TRUB1: variants seen among roughly 807,000 people sequenced by gnomAD.
TRUB1 encodes TruB pseudouridine synthase family member 1, also known as pseudouridylate synthase TRUB1.
TRUB1 carries 23 observed loss-of-function variants against 33.9 expected under a neutral mutation model. The ratio of observed to expected loss-of-function variants is 0.68; its 90% CI spans 0.49 to 0.96. The LOEUF (loss-of-function observed/expected upper bound fraction) is 0.96. TRUB1 is among the 40% of genes least tolerant of loss of function. TRUB1 has a pLI of 0.00. For missense variants in TRUB1, 378 were observed against 422.2 expected (o/e 0.90, Z 0.92); for synonymous variants, 163 against 165.4 (o/e 0.99, Z 0.11).
intron 3 of TRUB1, among the ~76,000 whole-genome samples, chr10:114,955,890 G>T (rs780817544): frequency 1.3e-5 from 2 of 152,140 alleles, no homozygotes; most frequent in African/African-American, 2.4e-5. Context: ...CCTTCTTAAT[G>T]AAGACATTCA....
intron 1 of TRUB1, among the ~76,000 whole-genome samples, chr10:114,938,895 C>A (rs747458878): frequency 1.3e-5 from 2 of 151,844 alleles, no homozygotes; most frequent in African/African-American, 4.8e-5. Flanking sequence ...GGTTCTGCAC[C>A]CCTAAAGTTG....
chr10:114,972,170 C>CTTTGATGAAA lies in TRUB1; in HGVS notation c.632_633insTTTGATGAAA (p.Thr212LeufsTer10), dbSNP rs1220180506. 1 of 1,613,510 alleles carries CTTTGATGAAA rather than the reference C, an allele frequency of 6.2e-7. No individual in the cohort carries two copies. Among genetic ancestry groups the CTTTGATGAAA allele is most frequent in the African/African-American group, 1.3e-5 (1 of 74,972 alleles). The stretch of plus-strand genomic sequence containing the variant: ...TTAAAGAAAGATGGACAAAGACTTT[C>CTTTGATGAAA]GACTTTGATGAAGAGAGGTGAAGTC... On this transcript the variant is annotated frameshift_variant, in exon 6 of 8. Coordinates refer to ENST00000298746, the MANE Select transcript of TRUB1 (RefSeq NM_139169.5). LOFTEE classifies it high-confidence loss of function.
chr10:114,970,709 A>G (rs2084332858), intron 5 of TRUB1, among the ~76,000 whole-genome samples: 1 of 152,194 alleles, frequency 6.6e-6, no homozygotes, highest in Admixed American at 6.5e-5. Context: ...GATTCTATCA[A>G]CAGACATAAG....
chr10:114,977,652 A>C lies in TRUB1; in HGVS notation c.*2273A>C, dbSNP rs2143045665. On this transcript the variant is annotated 3_prime_UTR_variant, in exon 8 of 8. Coordinates refer to ENST00000298746, the MANE Select transcript of TRUB1 (RefSeq NM_139169.5). ...TCTGTATACTTTGTTCATTTATATA[A>C]ATAAATGTCTTAATGGTTTCTATAC... 6.6e-6 allele frequency: 1 copy of C among 152,122 alleles called. No homozygotes were observed. The highest frequency in any genetic ancestry group is 1.9e-4 in the East Asian group (1 of 5,180). 9.4% of individuals were successfully genotyped at this position (152,122 alleles called of 1,614,324 possible). A position where few individuals can be genotyped will look rare whatever the true frequency, so the allele number is the denominator to read the frequency against.
At chr10:114,971,129 G>A (rs1214357166) in intron 5 of TRUB1, among the ~76,000 whole-genome samples, 1 of 152,066 alleles carries the variant, frequency 6.6e-6, no homozygotes, top group Non-Finnish European at 1.5e-5. Flanking sequence ...CTAGTAGAAG[G>A]GGCAAGGCAG....
At chr10:114,943,810 A>G (rs1432004559) in intron 2 of TRUB1, among the ~76,000 whole-genome samples, 1 of 152,112 alleles carries the variant, frequency 6.6e-6, no homozygotes, top group Non-Finnish European at 1.5e-5. Flanking sequence ...GATTCCTGAC[A>G]AGGTAGAAGG....
rs1249151764 is a variant in TRUB1, at chr10:114,972,124, C to T, written c.597-11C>T. On this transcript the variant is annotated splice_polypyrimidine_tract_variant and intron_variant, in intron 5 of 7. Transcript: ENST00000298746. ...CCTTTCCTTCCATTTCTCCTTCTCT[C>T]ATCTCACAAGCTATTCTGCATTAAA... 6.2e-7 allele frequency: 1 copy of T among 1,611,746 alleles called. No individual in the cohort carries two copies. The highest frequency in any genetic ancestry group is 8.5e-7 in the Non-Finnish European group (1 of 1,179,304).
At chr10:114,942,812 C>T in intron 2 of TRUB1, 69 bp downstream of exon 2, 4 of 1,018,514 alleles carry the variant, frequency 3.9e-6, no homozygotes, top group Non-Finnish European at 6.2e-6. Context: ...TGGTTGAGAA[C>T]AGATAGATTG....
chr10:114,967,298 C>T (rs1219884159), intron 4 of TRUB1, among the ~76,000 whole-genome samples: 2 of 152,202 alleles, frequency 1.3e-5, no homozygotes, highest in Non-Finnish European at 2.9e-5. Context: ...TCAGGGTTTA[C>T]AGTGCTTGCT....
intron 2 of TRUB1, among the ~76,000 whole-genome samples, chr10:114,949,928 T>C (rs949903862): frequency 6.6e-6 from 1 of 151,380 alleles, no homozygotes; most frequent in African/African-American, 2.4e-5. Flanking sequence ...GACAGAGTTT[T>C]GCTCTTGTCA....
intron 1 of TRUB1, among the ~76,000 whole-genome samples, chr10:114,939,580 G>A (rs2084176479): frequency 6.6e-6 from 1 of 152,152 alleles, no homozygotes; most frequent in African/African-American, 2.4e-5. Context: ...AATTATAACT[G>A]ACAGTACAGA....
intron 7 of TRUB1, 55 bp downstream of exon 7, chr10:114,974,440 A>C: frequency 6.8e-7 from 1 of 1,469,020 alleles, no homozygotes. Flanking sequence ...CTCCTTTTCA[A>C]TTGGAAGAGG....
intron 7 of TRUB1, among the ~76,000 whole-genome samples, 195 bp from the exon 8 acceptor site, chr10:114,974,928 A>G (rs2084353284): frequency 6.6e-6 from 1 of 152,120 alleles, no homozygotes; most frequent in Non-Finnish European, 1.5e-5. Context: ...AGCAGCTTAT[A>G]AGGTGGATTA....
At chr10:114,952,445 A>G (rs765297048) in intron 3 of TRUB1, among the ~76,000 whole-genome samples, 29 of 152,228 alleles carry the variant, frequency 1.9e-4, no homozygotes, top group Non-Finnish European at 2.8e-4. Context: ...CTCCATCTCA[A>G]TAAATAATAA....
At chr10:114,962,955 T>C (rs2084290532) in intron 4 of TRUB1, among the ~76,000 whole-genome samples, 1 of 152,204 alleles carries the variant, frequency 6.6e-6, no homozygotes, top group Admixed American at 6.5e-5. Flanking sequence ...TGTCTTCTCA[T>C]CCACATCTAG....
At chr10:114,963,593 A>G (rs1314615432) in intron 4 of TRUB1, among the ~76,000 whole-genome samples, 1 of 152,190 alleles carries the variant, frequency 6.6e-6, no homozygotes, top group Non-Finnish European at 1.5e-5. Context: ...CTTGTGCCCT[A>G]TCTGTCATTA....
At chr10:114,968,021 T>C (rs961832990) in intron 4 of TRUB1, among the ~76,000 whole-genome samples, 2 of 152,196 alleles carry the variant, frequency 1.3e-5, no homozygotes, top group African/African-American at 4.8e-5. Context: ...GTGTATGTTA[T>C]ATACGAAAAA....
chr10:114,970,412 A>G lies in TRUB1; in HGVS notation c.568A>G (p.Thr190Ala). The part of the protein sequence containing the change: ...EDIEGILQKF[T>A]GNIMQVPPLY... ...TATTGAAGGCATTCTACAGAAATTT[A>G]CTGGAAATATAATGCAAGTGCCCCC... is the stretch of plus-strand genomic sequence containing the variant. Residue 190 changes from threonine (T) to alanine (A), a missense_variant, in exon 5 of 8, where the codon ACT (threonine) becomes GCT (alanine). Coordinates refer to ENST00000298746, the MANE Select transcript of TRUB1 (RefSeq NM_139169.5). 1.9e-6 allele frequency: 3 copies of G among 1,612,088 alleles called. No individual in the cohort carries two copies. Among genetic ancestry groups the G allele is most frequent in the Non-Finnish European group, 2.5e-6 (3 of 1,178,618 alleles).
At chr10:114,964,409 G>T (rs562136856) in intron 4 of TRUB1, among the ~76,000 whole-genome samples, 1 of 151,942 alleles carries the variant, frequency 6.6e-6, no homozygotes, top group South Asian at 2.1e-4. Flanking sequence ...GGATGCATAG[G>T]TTCTTTATAT....
Sources: allele counts gnomAD v4.1 joint callset (sites outside exome capture counted in the v4.1 genomes callset), GRCh38; gene constraint gnomAD v4.1.1; transcripts MANE v1.5; gene names NCBI Gene and HGNC (gene_info 2026-07-23, HGNC 2026-07-21).